Variants in SYT1 observed in about 807,000 individuals in gnomAD.
SYT1 encodes the protein synaptotagmin-1.
In SYT1, 8 loss-of-function variants were observed where a neutral mutation model predicts 44.8. The observed-to-expected ratio is 0.18, with a 90% CI of 0.10 to 0.32. SYT1 has a LOEUF of 0.32. Among genes scored for constraint, SYT1 ranks in the 10% least tolerant of loss-of-function variants. The pLI, the probability that SYT1 is intolerant of heterozygous loss-of-function variation, is 1.00. For synonymous variants in SYT1, 154 were observed against 188.8 expected (o/e 0.82, Z 1.51); for missense variants, 286 against 509.3 (o/e 0.56, Z 4.22).
At chr12:79,355,091 G>A (rs1023905368) in intron 9 of SYT1, among the ~76,000 whole-genome samples, 5 of 152,090 alleles carry the variant, frequency 3.3e-5, no homozygotes, top group Non-Finnish European at 7.3e-5. Context: ...TTTCAACCAC[G>A]AGTTGTTCAT....
chr12:78,993,579 G>A (rs577682511), intron 2 of SYT1, among the ~76,000 whole-genome samples: 1 of 152,044 alleles, frequency 6.6e-6, no homozygotes, highest in South Asian at 2.1e-4. Context: ...TCTTTCTTCT[G>A]GAAAGAAAAC....
intron 9 of SYT1, among the ~76,000 whole-genome samples, chr12:79,442,396 T>C (rs1348344273): frequency 6.6e-6 from 1 of 152,182 alleles, no homozygotes; most frequent in Non-Finnish European, 1.5e-5. Context: ...ACCAACTCTT[T>C]AGTTTGTGGA....
At chr12:79,046,674 T>C (rs1293624182) in intron 2 of SYT1, among the ~76,000 whole-genome samples, 1 of 152,046 alleles carries the variant, frequency 6.6e-6, no homozygotes, top group Non-Finnish European at 1.5e-5. Flanking sequence ...TATATACATA[T>C]TTATTTGTGT....
chr12:79,201,980 G>T (rs1460472711), intron 3 of SYT1, among the ~76,000 whole-genome samples: 1 of 152,070 alleles, frequency 6.6e-6, no homozygotes, highest in Non-Finnish European at 1.5e-5. Flanking sequence ...CCTGTAGAAT[G>T]ACTTCATATC....
chr12:79,334,480 C>T (rs999165057), intron 8 of SYT1, among the ~76,000 whole-genome samples: 2 of 151,894 alleles, frequency 1.3e-5, no homozygotes, highest in East Asian at 1.9e-4. Flanking sequence ...AAAGGCTCGG[C>T]GAGGATATGA....
chr12:79,354,300 A>G (rs1883026521), intron 9 of SYT1, among the ~76,000 whole-genome samples: 1 of 152,174 alleles, frequency 6.6e-6, no homozygotes, highest in African/African-American at 2.4e-5. Context: ...CATATGATTA[A>G]ATCAATTATA....
intron 3 of SYT1, among the ~76,000 whole-genome samples, chr12:79,215,593 G>A (rs1472093429): frequency 2.0e-5 from 3 of 152,098 alleles, no homozygotes; most frequent in Non-Finnish European, 4.4e-5. Flanking sequence ...ACTTGAGAAG[G>A]CTGAAACCAG....
chr12:79,256,261 C>T lies in SYT1; in HGVS notation c.167-29526C>T, dbSNP rs933915107. Among the ~76,000 whole-genome samples, 18 of 152,322 alleles carry T rather than the reference C, an allele frequency of 1.2e-4. No individual in the cohort carries two copies. In the East Asian group the frequency reaches 3.3e-3, roughly 28 times the overall value. On this transcript the variant is annotated intron_variant, in intron 4 of 10. Transcript: ENST00000261205. ...ATTTTCTCTACTAATATTTGCAATG[C>T]CAATTTTCAACAGCACAGGTGTATT...
chr12:79,376,739 A>G (rs2136061953), intron 9 of SYT1, among the ~76,000 whole-genome samples: 1 of 152,302 alleles, frequency 6.6e-6, no homozygotes, highest in South Asian at 2.1e-4. Context: ...ATGAAGCAAA[A>G]TCTTTCCAAT....
chr12:79,450,306 A>G lies in SYT1; in HGVS notation c.*1182A>G, dbSNP rs1052721037. 1 of 152,640 alleles carries G rather than the reference A, an allele frequency of 6.6e-6. No homozygotes were observed. The highest frequency in any genetic ancestry group is 1.5e-5 in the Non-Finnish European group (1 of 68,038). The allele number at this position is 152,640 out of a possible 1,614,324, so 9.5% of individuals were successfully genotyped here. ...AAAACAAAAACAAAAACCAACAACA[A>G]TTAGCCATAGTTCTGAATGCACTTC... On this transcript the variant is annotated 3_prime_UTR_variant, in exon 11 of 11. Coordinates refer to ENST00000261205, the MANE Select transcript of SYT1 (RefSeq NM_005639.3).
intron 1 of SYT1, among the ~76,000 whole-genome samples, chr12:78,869,822 TA>T (rs1348319035): frequency 7.9e-5 from 12 of 152,194 alleles, no homozygotes; most frequent in East Asian, 3.9e-4. Context: ...CATACTTTAC[TA>T]ATAATGCAAA....
intron 9 of SYT1, among the ~76,000 whole-genome samples, chr12:79,407,813 G>A (rs1885295838): frequency 6.6e-6 from 1 of 152,094 alleles, no homozygotes; most frequent in Admixed American, 6.6e-5. Context: ...GGATGTGGCT[G>A]TCCTTACTCT....
At chr12:79,152,778 G>A (rs1178933824) in intron 3 of SYT1, among the ~76,000 whole-genome samples, 1 of 151,196 alleles carries the variant, frequency 6.6e-6, no homozygotes, top group Non-Finnish European at 1.5e-5. Flanking sequence ...GGTGAAAGGG[G>A]TATTATAGAA....
At chr12:79,244,444 G>A (rs550129123) in intron 4 of SYT1, among the ~76,000 whole-genome samples, 5 of 152,108 alleles carry the variant, frequency 3.3e-5, no homozygotes, top group South Asian at 2.1e-4. Flanking sequence ...AGTGGCTCAC[G>A]CCTGTAATCC....
chr12:79,148,788 A>T (rs1388436983), intron 3 of SYT1, among the ~76,000 whole-genome samples: 1 of 152,140 alleles, frequency 6.6e-6, no homozygotes, highest in Non-Finnish European at 1.5e-5. Flanking sequence ...AGACTTGTTC[A>T]ATTGCTATTA....
At chr12:79,400,957 G>A (rs979573564) in intron 9 of SYT1, among the ~76,000 whole-genome samples, 2 of 152,158 alleles carry the variant, frequency 1.3e-5, no homozygotes, top group Non-Finnish European at 2.9e-5. Flanking sequence ...GAGAGACCCT[G>A]TACTAGCAGT....
At chr12:79,434,233 A>C (rs557393679) in intron 9 of SYT1, among the ~76,000 whole-genome samples, 1 of 152,182 alleles carries the variant, frequency 6.6e-6, no homozygotes, top group Non-Finnish European at 1.5e-5. Context: ...CACTTGCATA[A>C]TGTTGTTTTC....
intron 3 of SYT1, among the ~76,000 whole-genome samples, chr12:79,207,320 G>C (rs1449925630): frequency 6.6e-6 from 1 of 152,160 alleles, no homozygotes; most frequent in Non-Finnish European, 1.5e-5. Flanking sequence ...TTAGGATCAA[G>C]GGTTAGATCC....
intron 3 of SYT1, among the ~76,000 whole-genome samples, chr12:79,129,970 T>C (rs964426679): frequency 6.6e-6 from 1 of 152,152 alleles, no homozygotes; most frequent in African/African-American, 2.4e-5. Context: ...TGGAGAGAAT[T>C]ACACATATAC....
Sources: gnomAD v4.1 joint callset for allele counts (sites outside exome capture counted in the v4.1 genomes callset) on GRCh38, gnomAD v4.1.1 for gene constraint, MANE v1.5 for transcripts, NCBI Gene and HGNC (gene_info 2026-07-23, HGNC 2026-07-21) for gene names.